SCN1A: variants seen among roughly 807,000 people sequenced by gnomAD.
The protein encoded by SCN1A is sodium voltage-gated channel alpha subunit 1.
In SCN1A, 13 loss-of-function variants were observed where a neutral mutation model predicts 193.7. That is an observed-to-expected ratio of 0.07 (90% CI 0.04 to 0.11). The LOEUF is 0.11. SCN1A is among the 10% of genes least tolerant of loss of function. The probability of loss-of-function intolerance (pLI) is 1.00; values close to 1 mark genes in which losing one functional copy is unlikely to be tolerated. For synonymous variants in SCN1A, 781 were observed against 843.6 expected, an observed-to-expected ratio of 0.93 and a Z score of 1.29; for missense variants, 1,432 against 2,451.1, an observed-to-expected ratio of 0.58 and a Z score of 8.78.
rs1032420431 is a variant in SCN1A at position 166,107,188 on chromosome 2, C to T, written c.-142+19736G>A. 4.6e-5 allele frequency among the ~76,000 whole-genome samples: 7 copies of T among 152,244 alleles called. No individual in the cohort carries two copies. In the East Asian group the frequency reaches 1.2e-3, roughly 25 times the overall value. Reference sequence around the variant, plus strand: ...TCTGAAACAAAAAGCAAGTAATCTTCGAATTCACATAAGCATTTATCTGCA... The same window carrying T: ...TCTGAAACAAAAAGCAAGTAATCTTTGAATTCACATAAGCATTTATCTGCA... On this transcript the variant is annotated intron_variant, in intron 2 of 28. Transcript: ENST00000674923.
Position 166,050,629 on chromosome 2 carries a change from A to G in SCN1A, c.964+1090T>C, listed in dbSNP as rs201007580. ...TTAAAAAAAGTATATATATATATATATATATATATGTGTGTATATATTTTT... is the reference window on the plus strand; with the variant it reads ...TTAAAAAAAGTATATATATATATATGTATATATATGTGTGTATATATTTTT... On this transcript the variant is annotated intron_variant, in intron 9 of 28. Transcript: ENST00000674923. 3.8e-5 allele frequency among the ~76,000 whole-genome samples: 3 copies of G among 79,100 alleles called. 1 individual carries two copies. The highest frequency in any genetic ancestry group is 1.7e-4 in the African/African-American group (3 of 17,628). 51.9% of individuals were successfully genotyped at this position (79,100 alleles called of 152,430 possible). A position where few individuals can be genotyped will look rare whatever the true frequency, so the allele number is the denominator to read the frequency against.
intron 19 of SCN1A, among the ~76,000 whole-genome samples, chr2:166,025,113 A>G (rs1694581098): frequency 6.7e-6 from 1 of 148,626 alleles, no homozygotes; most frequent in African/African-American, 2.4e-5. Flanking sequence ...GCATCTTAAC[A>G]TACATTCACC....
At chr2:166,053,646 C>A (rs1698835987) in intron 7 of SCN1A, among the ~76,000 whole-genome samples, 1 of 151,908 alleles carries the variant, frequency 6.6e-6, no homozygotes, top group Non-Finnish European at 1.5e-5. Context: ...ACCAGAGAGC[C>A]TAGCAAAGAA....
At chr2:165,984,986 A>G (rs187923829), downstream of SCN1A, 41 of 152,180 alleles carry the variant, frequency 2.7e-4, no homozygotes, top group African/African-American at 9.4e-4. Context: ...ATTTTAACCA[A>G]GAGTGAAGGT....
At chr2:166,060,367 T>G (rs1683168679) in intron 4 of SCN1A, 2 of 152,172 alleles carry the variant, frequency 1.3e-5, no homozygotes, top group Non-Finnish European at 2.9e-5. Context: ...TGTCCCTGAA[T>G]GACATTGTGA....
At chr2:166,004,921 T>C (rs1259743234) in intron 23 of SCN1A, among the ~76,000 whole-genome samples, 1 of 151,500 alleles carries the variant, frequency 6.6e-6, no homozygotes, top group Non-Finnish European at 1.5e-5. Context: ...AATTCAAGAA[T>C]CAGAATTCTA....
intron 19 of SCN1A, among the ~76,000 whole-genome samples, chr2:166,021,173 G>A (rs1694014919): frequency 6.6e-6 from 1 of 152,052 alleles, no homozygotes. Flanking sequence ...ATAGTAAGAA[G>A]AATTTTCCCC....
rs60890420 is a variant in SCN1A at position 166,012,612 on chromosome 2, C to CTT, written c.3706-332_3706-331dup. Among the ~76,000 whole-genome samples the CTT allele has an allele frequency of 5.1e-3, 392 of 77,200 alleles. 11 individuals carry two copies. Among genetic ancestry groups the CTT allele is most frequent in the East Asian group, 0.02 (52 of 2,550 alleles). 50.6% of individuals were successfully genotyped at this position (77,200 alleles called of 152,430 possible). On this transcript the variant is annotated intron_variant, in intron 21 of 28. Coordinates refer to ENST00000674923, the MANE Select transcript of SCN1A (RefSeq NM_001165963.4). ...CATTTATTTTGCTTCCTTCTATTGG[C>CTT]TTTTTTTTTTTTTTTTTTTTTTTGC...
At chr2:166,004,239 G>A (rs1228026237) in intron 23 of SCN1A, among the ~76,000 whole-genome samples, 2 of 151,504 alleles carry the variant, frequency 1.3e-5, no homozygotes, top group Admixed American at 6.6e-5. Flanking sequence ...TTGAAATCAA[G>A]TTACTATTTC....
Position 166,038,236 on chromosome 2 carries a change from C to A in SCN1A, c.2590-104G>T, listed in dbSNP as rs546093424. 17 of 905,390 alleles carry A rather than the reference C, an allele frequency of 1.9e-5. No homozygotes were observed. In the African/African-American group the frequency reaches 2.7e-4, roughly 14 times the overall value. The allele number at this position is 905,390 out of a possible 1,614,324, so 56.1% of individuals were successfully genotyped here. On this transcript the variant is annotated intron_variant, in intron 17 of 28. Transcript: ENST00000674923. ...ATTAGAATTCAATATCTTACAATAT[C>A]TGATCTGCCCTAACCGTCTCAGGCT... is the stretch of plus-strand genomic sequence containing the variant.
intron 19 of SCN1A, among the ~76,000 whole-genome samples, chr2:166,031,216 G>A (rs1025287322): frequency 6.6e-6 from 1 of 152,038 alleles, no homozygotes; most frequent in Non-Finnish European, 1.5e-5. Flanking sequence ...AGTTTGCTCT[G>A]GAATGGAGGA....
chr2:166,016,444 C>A (rs1693305686), intron 19 of SCN1A: 1 of 151,918 alleles, frequency 6.6e-6, no homozygotes, highest in Admixed American at 6.6e-5. Flanking sequence ...CCATGTGAAG[C>A]TGAAAGAACA....
At chr2:166,128,725 A>G (rs1004139952), upstream of SCN1A, among the ~76,000 whole-genome samples, 7 of 152,344 alleles carry the variant, frequency 4.6e-5, no homozygotes, top group African/African-American at 1.7e-4. Flanking sequence ...TTGTGGACAC[A>G]GCCTAAAGCT....
In SCN1A at chr2:165,992,502, G is replaced by T; in HGVS notation, c.4853-80C>A. 1 of 1,546,370 alleles carries T rather than the reference G, an allele frequency of 6.5e-7. No homozygotes were observed. Among genetic ancestry groups the T allele is most frequent in the Non-Finnish European group, 8.9e-7 (1 of 1,123,194 alleles). On this transcript the variant is annotated intron_variant, in intron 28 of 28. Coordinates refer to ENST00000674923, the MANE Select transcript of SCN1A (RefSeq NM_001165963.4). This position sits in a 1 kb window ranked among gnomAD's most constrained non-coding sequence, Gnocchi z 6.5. ...ACATATGTTTCTTCTAAAGCTCCAA[G>T]GTAAGGTTCAGAGTCCTGAACCCAG...
chr2:166,010,770 G>A (rs1426205126), intron 22 of SCN1A, among the ~76,000 whole-genome samples: 1 of 150,914 alleles, frequency 6.6e-6, no homozygotes, highest in Non-Finnish European at 1.5e-5. Flanking sequence ...GAGATGTGCT[G>A]TAATTAGTCC....
At chr2:166,068,422 C>A (rs1684066132) in intron 4 of SCN1A, among the ~76,000 whole-genome samples, 1 of 152,150 alleles carries the variant, frequency 6.6e-6, no homozygotes, top group Non-Finnish European at 1.5e-5. Context: ...GGGAAGTCAA[C>A]TACAGGGTCC....
chr2:166,026,737 G>A (rs1475797434), intron 19 of SCN1A, among the ~76,000 whole-genome samples: 6 of 131,206 alleles, frequency 4.6e-5, no homozygotes, highest in Non-Finnish European at 9.2e-5. Flanking sequence ...AGGCTGGAGT[G>A]CAGTGGCGTG....
intron 7 of SCN1A, among the ~76,000 whole-genome samples, chr2:166,053,699 G>T (rs1972445): frequency 1.3e-5 from 2 of 151,502 alleles, no homozygotes; most frequent in Non-Finnish European, 1.5e-5. Flanking sequence ...CCAGACATTC[G>T]GAGTCCTGAG....
chr2:166,110,030 G>T (rs1475473405), intron 2 of SCN1A, among the ~76,000 whole-genome samples: 1 of 152,076 alleles, frequency 6.6e-6, no homozygotes, highest in Non-Finnish European at 1.5e-5. Flanking sequence ...TAATTGGAAT[G>T]TTTGTAACAC....
Sources: gnomAD v4.1 joint callset for allele counts (sites outside exome capture counted in the v4.1 genomes callset) on GRCh38, gnomAD v4.1.1 for gene constraint, Gnocchi (gnomAD v3.1) non-coding constraint, MANE v1.5 for transcripts, NCBI Gene and HGNC (gene_info 2026-07-23, HGNC 2026-07-21) for gene names.